The following MAF variants were observed in gnomAD, a reference collection of about 807,000 sequenced individuals.
MAF encodes the protein transcription factor Maf.
MAF carries 10 observed loss-of-function variants against 22.0 expected under a neutral mutation model. That is an observed-to-expected ratio of 0.45 (90% CI 0.28 to 0.77). The LOEUF is 0.77. Ranked by LOEUF, MAF falls within the 30% of genes least tolerant of loss-of-function variation. The pLI, the probability that MAF is intolerant of heterozygous loss-of-function variation, is 0.12. For synonymous variants in MAF, 337 were observed against 255.8 expected (o/e 1.32, Z -3.03); for missense variants, 544 against 548.4 (o/e 0.99, Z 0.08).
the MAF span, among the ~76,000 whole-genome samples, chr16:79,547,811 TTCTCCTCTG>T: frequency 6.6e-6 from 1 of 152,174 alleles, no homozygotes; most frequent in Admixed American, 6.5e-5. Context: ...TTGATCTTTT[TTCTCCTCTG>T]TCTCCTCTGT....
the MAF span, among the ~76,000 whole-genome samples, chr16:79,346,082 G>A: frequency 6.6e-6 from 1 of 151,858 alleles, no homozygotes; most frequent in African/African-American, 2.4e-5. Context: ...CAATGTGCAG[G>A]TTTGTTACAT....
chr16:79,594,665 T>A, intron 1 of MAF, 112 bp from the exon 2 acceptor site: 1 of 1,516,990 alleles, frequency 6.6e-7, no homozygotes. Flanking sequence ...ATTTAGAGAC[T>A]TATTGTAATG....
At chr16:79,211,369 T>G in the MAF span, among the ~76,000 whole-genome samples, 14 of 152,328 alleles carry the variant, frequency 9.2e-5, no homozygotes, top group Non-Finnish European at 1.5e-5. Context: ...TGTCCCTGTA[T>G]GAGGTGTCAA....
downstream of MAF, among the ~76,000 whole-genome samples, chr16:79,582,316 T>C (rs1400600065): frequency 1.3e-5 from 2 of 152,240 alleles, no homozygotes; most frequent in Non-Finnish European, 2.9e-5. Context: ...TGACTGAACG[T>C]GTGCTTTTAG....
At chr16:79,233,733 C>T in the MAF span, among the ~76,000 whole-genome samples, 1 of 151,980 alleles carries the variant, frequency 6.6e-6, no homozygotes, top group East Asian at 1.9e-4. Flanking sequence ...GTGGCTCATG[C>T]CTGTAATCCC....
At chr16:79,422,024 C>T in the MAF span, among the ~76,000 whole-genome samples, 904 of 152,242 alleles carry the variant, frequency 5.9e-3, 5 homozygotes, top group Middle Eastern at 0.021. Context: ...GTGATCCACC[C>T]GCCTTGGCCT....
chr16:79,326,121 T>C, the MAF span, among the ~76,000 whole-genome samples: 1 of 152,212 alleles, frequency 6.6e-6, no homozygotes, highest in Admixed American at 6.5e-5. Context: ...GTTTTGCCCA[T>C]AAAGTCTGAA....
At chr16:79,572,002 T>C in the MAF span, among the ~76,000 whole-genome samples, 4 of 152,152 alleles carry the variant, frequency 2.6e-5, no homozygotes, top group Non-Finnish European at 4.4e-5. Flanking sequence ...TATGACTGCA[T>C]TGGTGTATTT....
the MAF span, among the ~76,000 whole-genome samples, chr16:79,451,820 G>T: frequency 6.6e-6 from 1 of 152,152 alleles, no homozygotes; most frequent in Non-Finnish European, 1.5e-5. Context: ...CTTTTGCTAT[G>T]CCTAACTAAA....
the MAF span, among the ~76,000 whole-genome samples, chr16:79,399,885 T>G: frequency 1.3e-5 from 2 of 152,182 alleles, no homozygotes; most frequent in African/African-American, 4.8e-5. Flanking sequence ...AGGATCCTAG[T>G]TGGACAATAA....
chr16:79,435,059 T>C, the MAF span, among the ~76,000 whole-genome samples: 4 of 152,266 alleles, frequency 2.6e-5, no homozygotes, highest in African/African-American at 9.6e-5. Flanking sequence ...AGTTGACACA[T>C]CCCATCAACG....
At chr16:79,339,418 T>C in the MAF span, among the ~76,000 whole-genome samples, 1 of 152,180 alleles carries the variant, frequency 6.6e-6, no homozygotes, top group Non-Finnish European at 1.5e-5. Flanking sequence ...TTCTGCTGGC[T>C]GGGTGCAGAT....
chr16:79,252,280 T>A, the MAF span, among the ~76,000 whole-genome samples: 1 of 138,066 alleles, frequency 7.2e-6, no homozygotes, highest in Non-Finnish European at 1.7e-5. Flanking sequence ...CATGTTCCAA[T>A]AAAACTTTAT....
chr16:79,482,819 G>T, the MAF span, among the ~76,000 whole-genome samples: 4 of 147,030 alleles, frequency 2.7e-5, no homozygotes, highest in Admixed American at 6.7e-5. Context: ...GACTCAGTAG[G>T]GCATACATCA....
At chr16:79,259,397 C>T in the MAF span, among the ~76,000 whole-genome samples, 1 of 152,162 alleles carries the variant, frequency 6.6e-6, no homozygotes, top group Non-Finnish European at 1.5e-5. Context: ...CCTGTGAAGT[C>T]ACCCCCAGTT....
At chr16:79,466,042 C>A in the MAF span, among the ~76,000 whole-genome samples, 1 of 152,136 alleles carries the variant, frequency 6.6e-6, no homozygotes. Context: ...CTCTGTTACC[C>A]ACAGTGAGAA....
chr16:79,544,932 AC>A, the MAF span, among the ~76,000 whole-genome samples: 1 of 152,162 alleles, frequency 6.6e-6, no homozygotes, highest in Admixed American at 6.5e-5. Context: ...CTTAGACAGG[AC>A]TTTCATGTTT....
chr16:79,510,031 T>A, the MAF span, among the ~76,000 whole-genome samples: 5 of 152,150 alleles, frequency 3.3e-5, no homozygotes, highest in South Asian at 1.0e-3. Context: ...GGCAGAACAG[T>A]TACAAAGTCA....
chr16:79,469,089 A>G, the MAF span, among the ~76,000 whole-genome samples: 1 of 152,158 alleles, frequency 6.6e-6, no homozygotes, highest in Admixed American at 6.5e-5. Context: ...CCAAGGGCCC[A>G]ACTCATGCGT....
Sources: allele counts gnomAD v4.1 joint callset (sites outside exome capture counted in the v4.1 genomes callset), GRCh38; gene constraint gnomAD v4.1.1; transcripts MANE v1.5; gene names NCBI Gene and HGNC (gene_info 2026-07-23, HGNC 2026-07-21).